Variants in KIF27 observed in about 807,000 individuals in gnomAD.
The protein encoded by KIF27 is kinesin-like protein KIF27.
Under a neutral mutation model 141.8 loss-of-function variants are expected in KIF27, and 84 were observed. The observed-to-expected ratio is 0.59, with a 90% CI of 0.50 to 0.71. The LOEUF is 0.71. Ranked by LOEUF, KIF27 falls within the 30% of genes least tolerant of loss-of-function variation. KIF27 has a pLI of 0.00. For missense variants in KIF27, 1,306 were observed against 1,628.4 expected (o/e 0.80, Z 3.41); for synonymous variants, 471 against 569.5 (o/e 0.83, Z 2.46).
chr9:83,910,680 C>T (rs1955059847), intron 2 of KIF27, among the ~76,000 whole-genome samples: 1 of 152,190 alleles, frequency 6.6e-6, no homozygotes, highest in African/African-American at 2.4e-5. Context: ...AGGAAAGAAA[C>T]ATCTCTACAC....
chr9:83,896,533 G>T (rs925776628), intron 5 of KIF27, among the ~76,000 whole-genome samples: 1 of 152,008 alleles, frequency 6.6e-6, no homozygotes, highest in Non-Finnish European at 1.5e-5. Context: ...CAATATTTCT[G>T]CACAAAAAAA....
intron 11 of KIF27, among the ~76,000 whole-genome samples, chr9:83,873,529 G>A (rs1950964286): frequency 6.6e-6 from 1 of 152,114 alleles, no homozygotes; most frequent in South Asian, 2.1e-4. Flanking sequence ...TCACAAAGAA[G>A]ACAGGTGCTA....
chr9:83,870,231 G>C (rs1588098120), intron 12 of KIF27, among the ~76,000 whole-genome samples: 1 of 151,600 alleles, frequency 6.6e-6, no homozygotes, highest in African/African-American at 2.4e-5. Flanking sequence ...CAGTGGCATG[G>C]TCTCGGCTCA....
intron 16 of KIF27, among the ~76,000 whole-genome samples, chr9:83,848,189 TATATGATATATCAGATATGATATATATG>T (rs1947801603): frequency 7.5e-5 from 7 of 93,660 alleles, no homozygotes; most frequent in East Asian, 5.7e-4. Flanking sequence ...ATATATGATA[TATATGATATATCAGATATGATATATATG>T]ATATATCAGA....
Position 83,908,596 on chromosome 9 carries a change from G to C in KIF27, c.355C>G (p.Gln119Glu), listed in dbSNP as rs755624703. 6.2e-7 allele frequency: 1 copy of C among 1,612,190 alleles called. No individual in the cohort carries two copies. Among genetic ancestry groups the C allele is most frequent in the Admixed American group, 1.7e-5 (1 of 59,908 alleles). The change falls in exon 3 of 18, where the codon CAA (glutamine) becomes GAA (glutamate). Residue 119 changes from glutamine to glutamate, a missense_variant. Physicochemically the swap from Gln to Glu is conservative, Grantham distance 29. This residue lies in a region of KIF27 where 533 missense variants were observed against 565.6 expected (regional missense o/e 0.94). Transcript: ENST00000297814. ...ATGCTAGGATGTTCAGAGATGCTTT[G>C]AAATATTTCTTGAATAGCTCGAGGA... ...IIPRAIQEIF[Q>E]SISEHPSIDF...
intron 12 of KIF27, among the ~76,000 whole-genome samples, chr9:83,869,065 A>G (rs74514284): frequency 0.13 from 20,178 of 151,928 alleles, 1,397 homozygotes; most frequent in African/African-American, 0.14. Context: ...GATGAATAAG[A>G]GATTCTTTTT....
At chr9:83,909,945 T>A (rs1954969068) in intron 2 of KIF27, among the ~76,000 whole-genome samples, 1 of 151,910 alleles carries the variant, frequency 6.6e-6, no homozygotes, top group African/African-American at 2.4e-5. Context: ...ATGCCTATGG[T>A]CTCAGCTGCT....
At chr9:83,849,526 T>C (rs1200451920) in intron 16 of KIF27, 1 of 153,504 alleles carries the variant, frequency 6.5e-6, no homozygotes, top group Non-Finnish European at 1.4e-5. Flanking sequence ...CTAGGTAAAA[T>C]GAGGCCAGAT....
At chr9:83,860,145 T>C (rs1392240012) in intron 13 of KIF27, 2 of 152,200 alleles carry the variant, frequency 1.3e-5, no homozygotes, top group Non-Finnish European at 2.9e-5. Context: ...ATGTTCACTA[T>C]GGTCAAATAT....
chr9:83,911,894 T>A (rs569195920), intron 2 of KIF27, among the ~76,000 whole-genome samples: 1 of 152,308 alleles, frequency 6.6e-6, no homozygotes, highest in African/African-American at 2.4e-5. Context: ...TCAGGGATTA[T>A]CAGAGAATGC....
In KIF27 at chr9:83,903,191, A is replaced by G. The variant is rs1299427057; in HGVS notation, c.1327T>C (p.Phe443Leu). 1.2e-6 allele frequency: 2 copies of G among 1,614,012 alleles called. No individual in the cohort carries two copies. The highest frequency in any genetic ancestry group is 1.7e-5 in the Admixed American group (1 of 60,000). ...TTCCTGACCTCTTGGATCATGTTAAACCACTCCTGCAGTTTGTGTTGCTGC... is the reference window on the plus strand; with the variant it reads ...TTCCTGACCTCTTGGATCATGTTAAGCCACTCCTGCAGTTTGTGTTGCTGC... ...EKQQHKLQEW[F>L]NMIQEVRKAV... The change falls in exon 4 of 18, where the codon TTT (phenylalanine) becomes CTT (leucine). Residue 443 changes from phenylalanine to leucine, a missense_variant. Physicochemically the swap from Phe to Leu is conservative, Grantham distance 22. Around this residue, in one of 4 missense-constraint regions of KIF27, gnomAD observed 533 missense variants for 565.6 expected, o/e 0.94. Transcript: ENST00000297814.
At chr9:83,838,205 T>C (rs1946122959) in intron 17 of KIF27, among the ~76,000 whole-genome samples, 1 of 151,884 alleles carries the variant, frequency 6.6e-6, no homozygotes, top group Non-Finnish European at 1.5e-5. Flanking sequence ...GCATGCTTAG[T>C]ACACTTTCAG....
At position 83,915,562 on chromosome 9, in the gene KIF27, T is replaced by C; in HGVS notation, c.30A>G (p.Val10=). The C allele has an allele frequency of 1.2e-6, 2 of 1,606,508 alleles. No individual in the cohort carries two copies. Among genetic ancestry groups the C allele is most frequent in the South Asian group, 1.1e-5 (1 of 89,250 alleles). MEEIPVKVA[V]RIRPLLCKEA... is the part of the protein sequence containing the mutation. ...CTTTGCAAAGCAGAGGTCTAATTCTTACAGCAACTTTTACTGGTATTTCTT... is the reference window on the plus strand; with the variant it reads ...CTTTGCAAAGCAGAGGTCTAATTCTCACAGCAACTTTTACTGGTATTTCTT... Residue 10 remains valine, a synonymous_variant, in exon 2 of 18, where the codon GTA becomes GTG. Coordinates refer to ENST00000297814, the MANE Select transcript of KIF27 (RefSeq NM_017576.4).
chr9:83,850,930 C>T (rs1474403870), intron 15 of KIF27, among the ~76,000 whole-genome samples: 1 of 143,476 alleles, frequency 7.0e-6, no homozygotes, highest in East Asian at 2.1e-4. Flanking sequence ...CTCCGCCTCC[C>T]GGGTTCATGC....
chr9:83,897,898 A>AATG (rs1317112288), intron 5 of KIF27, among the ~76,000 whole-genome samples: 2 of 152,210 alleles, frequency 1.3e-5, no homozygotes, highest in East Asian at 1.9e-4. Flanking sequence ...GCCACAATAA[A>AATG]ATACTACATG....
In KIF27 at chr9:83,848,173, TATATC is replaced by T. The variant is rs1387944498; in HGVS notation, c.3556+1921_3556+1925del. Among the ~76,000 whole-genome samples, 6 of 68,514 alleles carry T rather than the reference TATATC, an allele frequency of 8.8e-5. 2 individuals carry two copies. Among genetic ancestry groups the T allele is most frequent in the East Asian group, 6.4e-4 (2 of 3,136 alleles). The allele number at this position is 68,514 out of a possible 152,430, so 44.9% of individuals were successfully genotyped here. A position where few individuals can be genotyped will look rare whatever the true frequency, so the allele number is the denominator to read the frequency against. The stretch of plus-strand genomic sequence containing the variant: ...GATATATCATATATGATATATCTGA[TATATC>T]ATATATGATATATATGATATATCAG... On this transcript the variant is annotated intron_variant, in intron 16 of 17. Coordinates refer to ENST00000297814, the MANE Select transcript of KIF27 (RefSeq NM_017576.4).
At chr9:83,886,064 T>C (rs2274914) in intron 9 of KIF27, among the ~76,000 whole-genome samples, 74,172 of 150,916 alleles carry the variant, frequency 0.49, 19,800 homozygotes, top group African/African-American at 0.73. Flanking sequence ...GCTCCAGTTA[T>C]GCAGATGTTT....
In KIF27 at chr9:83,903,089, G is replaced by A. The variant is rs1311277947; in HGVS notation, c.1429C>T (p.Gln477Ter). Residue 477 changes from glutamine (Q) to a stop codon, truncating the protein, a stop_gained, in exon 4 of 18, where the codon CAG (glutamine) becomes TAG (stop). Transcript: ENST00000297814. LOFTEE classifies it high-confidence loss of function. ...CATTTCTTAAGCTCTCTCTTCAGCT[G>A]GAGAACTGTAACATGCTGTGGTCCT... is the stretch of plus-strand genomic sequence containing the variant. ...EEGPQHVTVL[Q>*]LKRELKKCQC... is the part of the protein sequence containing the mutation. 1 of 1,613,344 alleles carries A rather than the reference G, an allele frequency of 6.2e-7. No homozygotes were observed. The highest frequency in any genetic ancestry group is 1.7e-5 in the Admixed American group (1 of 60,008).
In KIF27 at chr9:83,883,986, A is replaced by T; in HGVS notation, c.2272T>A (p.Ser758Thr). 2 of 1,612,960 alleles carry T rather than the reference A, an allele frequency of 1.2e-6. No homozygotes were observed. The highest frequency in any genetic ancestry group is 1.7e-6 in the Non-Finnish European group (2 of 1,179,250). Reference protein sequence around the residue: ...NDAKSVSKQYSLKVTKLEHDA... With the variant: ...NDAKSVSKQYTLKVTKLEHDA... Reference sequence around the variant, plus strand: ...TGCTCTAGCTTTGTTACTTTCAAAGAATACTGCTTGCTTACAGACTTGGCA... The same window carrying T: ...TGCTCTAGCTTTGTTACTTTCAAAGTATACTGCTTGCTTACAGACTTGGCA... Residue 758 changes from serine (S) to threonine (T), a missense_variant, in exon 10 of 18, where the codon TCT (serine) becomes ACT (threonine). By Grantham distance (58) the Ser-to-Thr change is moderately conservative. Coordinates refer to ENST00000297814, the MANE Select transcript of KIF27 (RefSeq NM_017576.4).
Sources: gnomAD v4.1 joint callset for allele counts (sites outside exome capture counted in the v4.1 genomes callset) on GRCh38, gnomAD v4.1.1 for gene constraint, gnomAD v4.1.1 regional missense constraint, MANE v1.5 for transcripts, NCBI Gene and HGNC (gene_info 2026-07-23, HGNC 2026-07-21) for gene names.